Variants in SOX5 observed in about 807,000 individuals in gnomAD.
The protein encoded by SOX5 is SRY-box transcription factor 5.
SOX5 carries 9 observed loss-of-function variants against 92.0 expected under a neutral mutation model. The ratio of observed to expected loss-of-function variants is 0.10; its 90% CI spans 0.06 to 0.17. The LOEUF is 0.17. Ranked by LOEUF, SOX5 falls within the 10% of genes least tolerant of loss-of-function variation. The pLI is 1.00. For missense variants in SOX5, 642 were observed against 944.5 expected, an observed-to-expected ratio of 0.68 and a Z score of 4.20; for synonymous variants, 344 against 336.3, an observed-to-expected ratio of 1.02 and a Z score of -0.25.
At chr12:24,010,950 A>AG (rs1411493762) in intron 4 of SOX5, among the ~76,000 whole-genome samples, 1 of 152,170 alleles carries the variant, frequency 6.6e-6, no homozygotes, top group Non-Finnish European at 1.5e-5. Flanking sequence ...AAAAAAAAAA[A>AG]AAGAATAATA....
intron 7 of SOX5, among the ~76,000 whole-genome samples, chr12:23,650,837 T>G (rs1592949572): frequency 6.6e-6 from 1 of 152,106 alleles, no homozygotes; most frequent in East Asian, 1.9e-4. Context: ...AGGAAAATAA[T>G]ATTTTTTGTT....
chr12:23,944,633 C>A (rs563098941), intron 1 of SOX5, among the ~76,000 whole-genome samples: 3 of 152,220 alleles, frequency 2.0e-5, no homozygotes, highest in African/African-American at 4.8e-5. Context: ...AGCAATATCA[C>A]TTGATCCTGT....
intron 1 of SOX5, among the ~76,000 whole-genome samples, chr12:24,389,291 A>C (rs1036375901): frequency 1.3e-5 from 2 of 152,100 alleles, no homozygotes; most frequent in African/African-American, 2.4e-5. Context: ...TGAACTCATC[A>C]TTTTTTATGG....
At chr12:23,906,956 A>G (rs1465026928) in intron 1 of SOX5, among the ~76,000 whole-genome samples, 1 of 150,944 alleles carries the variant, frequency 6.6e-6, no homozygotes, top group Non-Finnish European at 1.5e-5. Context: ...AAAAAAAAAT[A>G]CTGTGTGAAA....
intron 2 of SOX5, among the ~76,000 whole-genome samples, chr12:24,288,181 G>C (rs914554062): frequency 6.6e-6 from 1 of 152,124 alleles, no homozygotes; most frequent in African/African-American, 2.4e-5. Flanking sequence ...TGATGACTTG[G>C]AGGATGCTAC....
intron 4 of SOX5, among the ~76,000 whole-genome samples, chr12:24,090,013 CAACTT>C (rs1354688519): frequency 6.6e-6 from 1 of 151,998 alleles, no homozygotes; most frequent in African/African-American, 2.4e-5. Flanking sequence ...CCACGTAAAA[CAACTT>C]AAGAATGAAC....
chr12:23,926,934 A>G (rs1421847393), intron 1 of SOX5, among the ~76,000 whole-genome samples: 1 of 152,078 alleles, frequency 6.6e-6, no homozygotes, highest in Non-Finnish European at 1.5e-5. Flanking sequence ...GTAATAGGAT[A>G]AAGAACTTTT....
At chr12:24,366,781 A>T (rs1015329089) in intron 2 of SOX5, among the ~76,000 whole-genome samples, 1 of 152,074 alleles carries the variant, frequency 6.6e-6, no homozygotes, top group African/African-American at 2.4e-5. Flanking sequence ...ATCTTATTAC[A>T]TATTATCAAA....
intron 4 of SOX5, among the ~76,000 whole-genome samples, chr12:24,007,136 A>G (rs1334326448): frequency 1.8e-5 from 1 of 55,382 alleles, no homozygotes; most frequent in African/African-American, 4.7e-5. Flanking sequence ...CCATCTCAAA[A>G]AAAAATATAT....
chr12:23,846,248 G>T (rs2096573863), intron 2 of SOX5, 55 bp from the exon 3 acceptor site: 1 of 1,317,026 alleles, frequency 7.6e-7, no homozygotes, highest in Non-Finnish European at 1.1e-6. Flanking sequence ...GAGAGCAAAA[G>T]GACAAATAAT....
At chr12:24,481,765 T>C (rs1275524467) in intron 1 of SOX5, among the ~76,000 whole-genome samples, 3 of 152,158 alleles carry the variant, frequency 2.0e-5, no homozygotes, top group African/African-American at 7.2e-5. Context: ...GGTCTGGCAC[T>C]GGAGCCCACC....
chr12:24,059,613 G>A (rs1435575567), intron 4 of SOX5, among the ~76,000 whole-genome samples: 1 of 152,122 alleles, frequency 6.6e-6, no homozygotes, highest in Non-Finnish European at 1.5e-5. Flanking sequence ...GGAATGGCAT[G>A]TTGCCCCCTC....
At position 24,303,576 on chromosome 12, in the gene SOX5, TAC is replaced by T. The variant is rs200896876; in HGVS notation, c.-173-26266_-173-26265del. Among the ~76,000 whole-genome samples, 117 of 152,330 alleles carry T rather than the reference TAC, an allele frequency of 7.7e-4. 2 individuals are homozygous for T. The East Asian group carries it at 0.022, about 28-fold the overall frequency. The stretch of plus-strand genomic sequence containing the variant: ...GGAAGAAGCTTAATTGAGTTATAAG[TAC>T]TATAATACAGGTATTCCAGATGTAA... On this transcript the variant is annotated intron_variant, in intron 2 of 4. Transcript: ENST00000446891.
intron 4 of SOX5, among the ~76,000 whole-genome samples, chr12:24,197,158 G>A (rs1957083020): frequency 6.6e-6 from 1 of 152,148 alleles, no homozygotes; most frequent in Non-Finnish European, 1.5e-5. Context: ...GCTTCAATTG[G>A]TTGACATTTT....
chr12:23,601,680 A>G (rs2074511930), intron 9 of SOX5, among the ~76,000 whole-genome samples: 1 of 152,216 alleles, frequency 6.6e-6, no homozygotes. Flanking sequence ...TTATTATGCT[A>G]TGTATAAACG....
rs142153488 is a variant in SOX5 at position 24,298,929 on chromosome 12, G to A, written c.-173-21617C>T. Among the ~76,000 whole-genome samples, 37 of 152,006 alleles carry A rather than the reference G, an allele frequency of 2.4e-4. No individual in the cohort carries two copies. In the East Asian group the frequency reaches 6.4e-3, roughly 26 times the overall value. On this transcript the variant is annotated intron_variant, in intron 2 of 4. Coordinates refer to the SOX5 transcript ENST00000446891. ...TTCAGTATGTAAAATATCACAAAGA[G>A]TTTTCATATTATTAGAAAAAGATGG...
At chr12:23,651,450 A>C (rs2081550621) in intron 7 of SOX5, among the ~76,000 whole-genome samples, 1 of 152,092 alleles carries the variant, frequency 6.6e-6, no homozygotes, top group Non-Finnish European at 1.5e-5. Flanking sequence ...AATTTTCATA[A>C]CATATTCAAC....
At chr12:24,346,876 C>T (rs1160750344) in intron 2 of SOX5, among the ~76,000 whole-genome samples, 11 of 146,812 alleles carry the variant, frequency 7.5e-5, no homozygotes, top group Admixed American at 2.0e-4. Flanking sequence ...CAGGGCCTGT[C>T]GTGGGGTGGG....
chr12:24,390,804 A>G (rs1021376483), intron 1 of SOX5, among the ~76,000 whole-genome samples: 2 of 152,114 alleles, frequency 1.3e-5, no homozygotes, highest in African/African-American at 4.8e-5. Context: ...ATGTGTGTGT[A>G]TATAAACCAC....
Sources: gnomAD v4.1 joint callset for allele counts (sites outside exome capture counted in the v4.1 genomes callset) on GRCh38, gnomAD v4.1.1 for gene constraint, MANE v1.5 for transcripts, NCBI Gene and HGNC (gene_info 2026-07-23, HGNC 2026-07-21) for gene names.